USP8: variants seen among roughly 807,000 people sequenced by gnomAD.
USP8 encodes ubiquitin specific peptidase 8.
A neutral mutation model predicts 130.0 loss-of-function variants in USP8; 27 were observed. That is an observed-to-expected ratio of 0.21 (90% CI 0.15 to 0.29). The LOEUF (loss-of-function observed/expected upper bound fraction) is 0.29, where lower values mean the gene tolerates loss of function less well. USP8 is among the 10% of genes least tolerant of loss of function. The pLI, the probability that USP8 is intolerant of heterozygous loss-of-function variation, is 1.00. For missense variants in USP8, 1,029 were observed against 1,312.2 expected (o/e 0.78, Z 3.33); for synonymous variants, 392 against 444.1 (o/e 0.88, Z 1.48).
chr15:50,441,939 T>A (rs1483305469), intron 3 of USP8, among the ~76,000 whole-genome samples: 1 of 151,856 alleles, frequency 6.6e-6, no homozygotes, highest in Non-Finnish European at 1.5e-5. Context: ...AATGTCAGTT[T>A]GCAAAATTGA....
chr15:50,463,048 G>C (rs1192500883), intron 6 of USP8, among the ~76,000 whole-genome samples: 2 of 152,090 alleles, frequency 1.3e-5, no homozygotes, highest in Admixed American at 1.3e-4. Flanking sequence ...AGGAGTTCAA[G>C]ACCAGCCTAG....
In USP8 at chr15:50,449,482, TA is replaced by T; in HGVS notation, c.334del (p.Arg112AspfsTer80). 1 of 1,574,820 alleles carries T rather than the reference TA, an allele frequency of 6.3e-7. No individual in the cohort carries two copies. Among genetic ancestry groups the T allele is most frequent in the Non-Finnish European group, 8.7e-7 (1 of 1,154,600 alleles). On this transcript the variant is annotated frameshift_variant and splice_region_variant, in exon 4 of 20. Coordinates refer to ENST00000307179, the MANE Select transcript of USP8 (RefSeq NM_005154.5). LOFTEE classifies it high-confidence loss of function. The part of the protein sequence containing the change: ...EAERLSESLK[L>X]RYEEAEVRKK... ...GAAAGACTCTCTGAAAGCCTTAAAT[TA>T]AGGTACAGATATTATGAAATATTTA...
chr15:50,429,305 T>G (rs908394113), intron 1 of USP8, among the ~76,000 whole-genome samples: 1 of 61,056 alleles, frequency 1.6e-5, no homozygotes, highest in East Asian at 3.3e-4. Flanking sequence ...CCTGGAGGTG[T>G]TTTTTTTTTT....
intron 11 of USP8, 57 bp downstream of exon 11, chr15:50,482,122 T>A: frequency 7.0e-7 from 1 of 1,423,508 alleles, no homozygotes; most frequent in Non-Finnish European, 9.3e-7. Flanking sequence ...TATGAAAATG[T>A]GAAAACACCA....
At position 50,485,550 on chromosome 15, in the gene USP8, A is replaced by ATTTTTTTTTTT. The variant is rs71424071; in HGVS notation, c.1890+1212_1890+1222dup. Among the ~76,000 whole-genome samples, 53 of 27,934 alleles carry ATTTTTTTTTTT rather than the reference A, an allele frequency of 1.9e-3. 10 individuals carry two copies. Among genetic ancestry groups the ATTTTTTTTTTT allele is most frequent in the Admixed American group, 0.014 (17 of 1,244 alleles). The allele number at this position is 27,934 out of a possible 152,430, so 18.3% of individuals were successfully genotyped here. A position where few individuals can be genotyped will look rare whatever the true frequency, so the allele number is the denominator to read the frequency against. On this transcript the variant is annotated intron_variant, in intron 12 of 19. Coordinates refer to ENST00000307179, the MANE Select transcript of USP8 (RefSeq NM_005154.5). ...CCCATTTTTAGCATGCAGTTTAGTG[A>ATTTTTTTTTTT]TTTTTTTTTTTTTTTTTTTTTTTTT... is the stretch of plus-strand genomic sequence containing the variant.
chr15:50,439,215 A>G, intron 2 of USP8, 38 bp downstream of exon 2: 2 of 1,279,948 alleles, frequency 1.6e-6, no homozygotes, highest in Non-Finnish European at 2.1e-6. Flanking sequence ...TGAATCAAAT[A>G]TTAATTTTTA....
At chr15:50,452,537 G>C (rs1472028826) in intron 4 of USP8, among the ~76,000 whole-genome samples, 1 of 152,178 alleles carries the variant, frequency 6.6e-6, no homozygotes, top group African/African-American at 2.4e-5. Flanking sequence ...CCTCAAATTG[G>C]ATTTAGGCTG....
chr15:50,490,773 G>A (rs2052129977), intron 14 of USP8, among the ~76,000 whole-genome samples: 2 of 152,076 alleles, frequency 1.3e-5, no homozygotes, highest in African/African-American at 4.8e-5. Flanking sequence ...TAAAATCATT[G>A]TTATGTTTTA....
intron 8 of USP8, among the ~76,000 whole-genome samples, chr15:50,476,256 C>T (rs2051563948): frequency 6.6e-6 from 1 of 152,124 alleles, no homozygotes; most frequent in Non-Finnish European, 1.5e-5. Context: ...ATGGCGAAAC[C>T]CCAGCTCACG....
Position 50,455,084 on chromosome 15 carries a change from T to A in USP8, c.336-3916T>A, listed in dbSNP as rs1167541875. 2.0e-5 allele frequency among the ~76,000 whole-genome samples: 3 copies of A among 151,422 alleles called. 1 individual carries two copies. Among genetic ancestry groups the A allele is most frequent in the Non-Finnish European group, 4.4e-5 (3 of 67,880 alleles). On this transcript the variant is annotated intron_variant, in intron 4 of 19. Transcript: ENST00000307179. Reference sequence around the variant, plus strand: ...TATATGTTTCAATTCTAGAATTTCTTCCTTTTTTTGAGACAGAGTCTCACT... The same window carrying A: ...TATATGTTTCAATTCTAGAATTTCTACCTTTTTTTGAGACAGAGTCTCACT...
chr15:50,470,363 A>C (rs1016776756), intron 7 of USP8, among the ~76,000 whole-genome samples: 3 of 152,200 alleles, frequency 2.0e-5, no homozygotes, highest in African/African-American at 7.2e-5. Flanking sequence ...GAAAGGCCTC[A>C]CAGAGAAGTT....
chr15:50,458,135 A>G (rs774068536), intron 4 of USP8, among the ~76,000 whole-genome samples: 1 of 152,120 alleles, frequency 6.6e-6, no homozygotes, highest in Non-Finnish European at 1.5e-5. Flanking sequence ...CAATAATAGC[A>G]AACATTGCCA....
At chr15:50,439,199 T>C (rs767230110) in intron 2 of USP8, 22 bp downstream of exon 2, 1 of 1,329,840 alleles carries the variant, frequency 7.5e-7, no homozygotes, top group African/African-American at 1.5e-5. Flanking sequence ...CCTTCGCTAG[T>C]TTGATTGAAT....
intron 19 of USP8, 43 bp downstream of exon 19, chr15:50,498,771 G>C (rs2052510172): frequency 6.4e-7 from 1 of 1,567,932 alleles, no homozygotes. Flanking sequence ...TTCAAAGCAA[G>C]TTTAAAAAAA....
intron 1 of USP8, among the ~76,000 whole-genome samples, chr15:50,433,621 T>G (rs2049997218): frequency 6.6e-6 from 1 of 152,224 alleles, no homozygotes; most frequent in Admixed American, 6.5e-5. Flanking sequence ...TTTATTTATT[T>G]TTTTTTGAGA....
intron 11 of USP8, among the ~76,000 whole-genome samples, chr15:50,482,275 C>T (rs780442046): frequency 1.3e-5 from 2 of 152,110 alleles, no homozygotes; most frequent in Non-Finnish European, 2.9e-5. Flanking sequence ...AATGAAATTG[C>T]TTTTTGTATA....
At position 50,507,905 on chromosome 15, in the gene USP8, C is replaced by G. The variant is rs1227421710; in HGVS notation, c.*8817C>G. On this transcript the variant is annotated 3_prime_UTR_variant, in exon 20 of 20. Coordinates refer to ENST00000307179, the MANE Select transcript of USP8 (RefSeq NM_005154.5). ...CCAACATGGAGAAACCCCGTCTCTA[C>G]TAAAAATACAAAAAATTAGCTGGGC... is the stretch of plus-strand genomic sequence containing the variant. 2.0e-5 allele frequency: 3 copies of G among 151,614 alleles called. No homozygotes were observed. Among genetic ancestry groups the G allele is most frequent in the Non-Finnish European group, 2.9e-5 (2 of 67,842 alleles). The allele number at this position is 151,614 out of a possible 1,614,324, so 9.4% of individuals were successfully genotyped here. A position where few individuals can be genotyped will look rare whatever the true frequency, so the allele number is the denominator to read the frequency against.
chr15:50,460,149 C>T (rs2050939329), intron 5 of USP8, among the ~76,000 whole-genome samples: 1 of 151,374 alleles, frequency 6.6e-6, no homozygotes, highest in African/African-American at 2.4e-5. Flanking sequence ...AGGCGCCCGC[C>T]ACCACACCCG....
chr15:50,470,023 G>T (rs12440152), intron 7 of USP8, among the ~76,000 whole-genome samples: 1 of 152,084 alleles, frequency 6.6e-6, no homozygotes, highest in Admixed American at 6.6e-5. Context: ...ATTAGAGACA[G>T]GGTTTCGCCA....
Sources: allele counts gnomAD v4.1 joint callset (sites outside exome capture counted in the v4.1 genomes callset), GRCh38; gene constraint gnomAD v4.1.1; transcripts MANE v1.5; gene names NCBI Gene and HGNC (gene_info 2026-07-23, HGNC 2026-07-21).